EDIL3: variants seen among roughly 807,000 people sequenced by gnomAD.
EDIL3 encodes EGF like and discoidin domains 3.
EDIL3 carries 37 observed loss-of-function variants against 67.4 expected under a neutral mutation model. That is an observed-to-expected ratio of 0.55 (90% confidence interval 0.42 to 0.72). The LOEUF (loss-of-function observed/expected upper bound fraction) is 0.72, where lower values mean the gene tolerates loss of function less well. Ranked by LOEUF, EDIL3 falls within the 30% of genes least tolerant of loss-of-function variation. The pLI is 0.00. For missense variants in EDIL3, 527 were observed against 586.3 expected (o/e 0.90, Z 1.04); for synonymous variants, 195 against 196.3 (o/e 0.99, Z 0.05).
chr5:84,109,523 A>G (rs1274847653), intron 5 of EDIL3, among the ~76,000 whole-genome samples: 2 of 152,104 alleles, frequency 1.3e-5, no homozygotes, highest in African/African-American at 4.8e-5. Flanking sequence ...AAAACAAAAC[A>G]AAAAAGCAAA....
intron 1 of EDIL3, among the ~76,000 whole-genome samples, chr5:84,309,299 C>CTTTTTTTT (rs939564007): frequency 8.8e-6 from 1 of 113,280 alleles, no homozygotes. Context: ...TTTCCTCTTT[C>CTTTTTTTT]TTTTTTTTTC....
intron 1 of EDIL3, among the ~76,000 whole-genome samples, chr5:84,328,453 T>G (rs922111207): frequency 6.6e-6 from 1 of 152,102 alleles, no homozygotes; most frequent in Non-Finnish European, 1.5e-5. Flanking sequence ...AACCTTTGCA[T>G]GTCCACACTC....
intron 9 of EDIL3, among the ~76,000 whole-genome samples, chr5:83,995,402 C>T (rs1745222424): frequency 6.6e-6 from 1 of 152,110 alleles, no homozygotes; most frequent in African/African-American, 2.4e-5. Context: ...CCACATGGTA[C>T]TGGGCATTCA....
chr5:84,052,143 G>C (rs1351123901), intron 9 of EDIL3, among the ~76,000 whole-genome samples: 1 of 152,170 alleles, frequency 6.6e-6, no homozygotes, highest in Non-Finnish European at 1.5e-5. Flanking sequence ...GAAGAGAGTG[G>C]GGGCCAATAT....
At chr5:84,237,516 T>C (rs1390025373) in intron 2 of EDIL3, among the ~76,000 whole-genome samples, 1 of 152,156 alleles carries the variant, frequency 6.6e-6, no homozygotes. Flanking sequence ...TAAATGGATA[T>C]GGCATAATTT....
intron 1 of EDIL3, among the ~76,000 whole-genome samples, chr5:84,331,543 G>T (rs561637136): frequency 6.6e-6 from 1 of 152,168 alleles, no homozygotes; most frequent in South Asian, 2.1e-4. Flanking sequence ...ATGTGTAAAA[G>T]GACATGTTTG....
chr5:84,185,179 C>T (rs1749087674), intron 3 of EDIL3, among the ~76,000 whole-genome samples: 1 of 152,024 alleles, frequency 6.6e-6, no homozygotes, highest in African/African-American at 2.4e-5. Flanking sequence ...AAGTCTATGC[C>T]CTTTCCATTA....
chr5:84,005,707 T>C (rs192284763), intron 9 of EDIL3, among the ~76,000 whole-genome samples: 6 of 152,074 alleles, frequency 3.9e-5, no homozygotes, highest in African/African-American at 1.2e-4. Context: ...CAAACCCATA[T>C]CCAATATCAT....
intron 1 of EDIL3, among the ~76,000 whole-genome samples, chr5:84,345,315 A>G (rs951281703): frequency 6.6e-6 from 1 of 152,190 alleles, no homozygotes; most frequent in African/African-American, 2.4e-5. Flanking sequence ...TCCACAAAGA[A>G]AGATGGAAAA....
chr5:84,059,298 T>C (rs964611195), intron 9 of EDIL3, among the ~76,000 whole-genome samples: 13 of 151,452 alleles, frequency 8.6e-5, no homozygotes, highest in African/African-American at 3.2e-4. Flanking sequence ...AGCTATTTGG[T>C]AGGCTGAGGC....
intron 3 of EDIL3, among the ~76,000 whole-genome samples, chr5:84,225,522 A>C (rs3776898): frequency 0.1 from 15,551 of 151,646 alleles, 1,013 homozygotes; most frequent in Middle Eastern, 0.15. Context: ...AATATAAGGC[A>C]AATCAATTGT....
chr5:84,119,384 T>A (rs1038682980), intron 5 of EDIL3, among the ~76,000 whole-genome samples: 16 of 152,122 alleles, frequency 1.1e-4, no homozygotes, highest in Admixed American at 6.5e-4. Context: ...CCACTTGGCA[T>A]CTCCTTAATA....
At chr5:84,285,359 C>T (rs1007406467) in intron 1 of EDIL3, among the ~76,000 whole-genome samples, 1 of 152,180 alleles carries the variant, frequency 6.6e-6, no homozygotes, top group Admixed American at 6.5e-5. Flanking sequence ...CCTTCAAATG[C>T]TACTTTGCCT....
intron 1 of EDIL3, among the ~76,000 whole-genome samples, chr5:84,369,043 A>G (rs932956511): frequency 1.3e-5 from 2 of 152,038 alleles, no homozygotes; most frequent in African/African-American, 4.8e-5. Flanking sequence ...GCTGCTGTGA[A>G]AAACACTATG....
chr5:84,082,195 A>C (rs546535943), intron 6 of EDIL3, among the ~76,000 whole-genome samples: 7 of 152,270 alleles, frequency 4.6e-5, no homozygotes, highest in African/African-American at 1.7e-4. Context: ...CTATGATAAT[A>C]CTCTACACCT....
At chr5:83,945,121 G>A (rs1165490892) in intron 10 of EDIL3, among the ~76,000 whole-genome samples, 3 of 151,986 alleles carry the variant, frequency 2.0e-5, no homozygotes, top group African/African-American at 7.2e-5. Flanking sequence ...TGCTGGTTCT[G>A]CTGGCATATC....
At chr5:84,340,563 T>C (rs1238897031) in intron 1 of EDIL3, among the ~76,000 whole-genome samples, 2 of 139,078 alleles carry the variant, frequency 1.4e-5, no homozygotes, top group African/African-American at 5.2e-5. Context: ...TATATATATA[T>C]ATATATATGT....
chr5:84,315,564 A>G (rs1235853707), intron 1 of EDIL3, among the ~76,000 whole-genome samples: 1 of 152,184 alleles, frequency 6.6e-6, no homozygotes, highest in Non-Finnish European at 1.5e-5. Context: ...TGCTAATTAA[A>G]GGAATTTAAT....
At position 84,141,924 on chromosome 5, in the gene EDIL3, C is replaced by CATAT. The variant is rs1267450756; in HGVS notation, c.356-4571_356-4570insATAT. On this transcript the variant is annotated intron_variant, in intron 4 of 10. Coordinates refer to ENST00000296591, the MANE Select transcript of EDIL3 (RefSeq NM_005711.5). ...AACTACTCATATATATATATATATA[C>CATAT]ACATATATATATATATATATATACA... is the stretch of plus-strand genomic sequence containing the variant. Among the ~76,000 whole-genome samples, 961 of 128,676 alleles carry CATAT rather than the reference C, an allele frequency of 7.5e-3. 26 individuals are homozygous for CATAT. Among genetic ancestry groups the CATAT allele is most frequent in the African/African-American group, 0.029 (930 of 31,788 alleles). The allele number at this position is 128,676 out of a possible 152,430, so 84.4% of individuals were successfully genotyped here.
Sources: allele counts gnomAD v4.1 joint callset (sites outside exome capture counted in the v4.1 genomes callset), GRCh38; gene constraint gnomAD v4.1.1; transcripts MANE v1.5; gene names NCBI Gene and HGNC (gene_info 2026-07-23, HGNC 2026-07-21).